The following LRRC2 variants were observed in gnomAD, a reference collection of about 807,000 sequenced individuals.
LRRC2 encodes the protein leucine rich repeat containing 2.
Under a neutral mutation model 40.2 loss-of-function variants are expected in LRRC2, and 27 were observed. The observed-to-expected ratio is 0.67, with a 90% CI of 0.49 to 0.93. The LOEUF is 0.93. Among genes scored for constraint, LRRC2 ranks in the 40% least tolerant of loss-of-function variants. The pLI is 0.00. For synonymous variants in LRRC2, 147 were observed against 158.9 expected (o/e 0.92, Z 0.56); for missense variants, 402 against 439.6 (o/e 0.91, Z 0.76).
intron 2 of LRRC2, among the ~76,000 whole-genome samples, chr3:46,546,644 C>T (rs1704531328): frequency 6.6e-6 from 1 of 151,648 alleles, no homozygotes; most frequent in Admixed American, 6.6e-5. Flanking sequence ...TAATTCTTAT[C>T]CATAAACACA....
intron 1 of LRRC2, among the ~76,000 whole-genome samples, chr3:46,554,557 G>A (rs1559420020): frequency 2.6e-5 from 4 of 151,346 alleles, no homozygotes; most frequent in African/African-American, 4.9e-5. Flanking sequence ...AGGCAGAATT[G>A]CTTGAACCTG....
rs963233534 is a variant in LRRC2, at chr3:46,515,578, A to C, written c.*3436T>G. The C allele has an allele frequency of 1.3e-5, 2 of 152,212 alleles. No individual in the cohort carries two copies. Among genetic ancestry groups the C allele is most frequent in the Non-Finnish European group, 2.9e-5 (2 of 68,024 alleles). 9.4% of individuals were successfully genotyped at this position (152,212 alleles called of 1,614,324 possible). The stretch of plus-strand genomic sequence containing the variant: ...CTGCACATTTATATGAATAAATTAA[A>C]TAGTATCTCTACAAACATATTCAAG... On this transcript the variant is annotated 3_prime_UTR_variant, in exon 9 of 9. Transcript: ENST00000395905.
At chr3:46,560,740 A>G (rs73071930) in intron 1 of LRRC2, among the ~76,000 whole-genome samples, 7,406 of 152,236 alleles carry the variant, frequency 0.049, 274 homozygotes, top group South Asian at 0.15. Flanking sequence ...AGCCTCCCTC[A>G]ATTTGGGCTA....
intron 2 of LRRC2, among the ~76,000 whole-genome samples, chr3:46,546,715 CTTTT>C (rs71098416): frequency 6.6e-5 from 7 of 106,600 alleles, no homozygotes; most frequent in Non-Finnish European, 1.1e-4. Context: ...CAATTTGCTC[CTTTT>C]TTTTTTTTTT....
chr3:46,521,431 T>G (rs1703962076), intron 8 of LRRC2, 91 bp downstream of exon 8: 1 of 1,058,888 alleles, frequency 9.4e-7, no homozygotes, highest in African/African-American at 1.6e-5. Context: ...ACCAATAAAC[T>G]TTTTGTCAAT....
intron 3 of LRRC2, among the ~76,000 whole-genome samples, chr3:46,541,856 G>A (rs1307057085): frequency 6.6e-6 from 1 of 152,114 alleles, no homozygotes; most frequent in African/African-American, 2.4e-5. Context: ...CCCTGAACTG[G>A]GGTACCTCAA....
At chr3:46,546,855 A>T (rs1001979646) in intron 2 of LRRC2, among the ~76,000 whole-genome samples, 8 of 151,572 alleles carry the variant, frequency 5.3e-5, no homozygotes, top group African/African-American at 1.7e-4. Flanking sequence ...AGTAGCTGGG[A>T]TTACAGATGC....
chr3:46,520,619 T>C (rs1703947774), intron 8 of LRRC2, among the ~76,000 whole-genome samples: 1 of 152,246 alleles, frequency 6.6e-6, no homozygotes. Flanking sequence ...TTCAGACATC[T>C]ACTGATGAGG....
chr3:46,517,422 T>G lies in LRRC2; in HGVS notation c.*1592A>C, dbSNP rs1214844368. The G allele has an allele frequency of 6.6e-6, 1 of 152,090 alleles. No homozygotes were observed. Among genetic ancestry groups the G allele is most frequent in the African/African-American group, 2.4e-5 (1 of 41,380 alleles). 9.4% of individuals were successfully genotyped at this position (152,090 alleles called of 1,614,324 possible). On this transcript the variant is annotated 3_prime_UTR_variant, in exon 9 of 9. Coordinates refer to ENST00000395905, the MANE Select transcript of LRRC2 (RefSeq NM_024512.5). Reference sequence around the variant, plus strand: ...ACACTGCAGCCTCGACCTCCTGGGCTCAAGTGATTTTCCCACCTCAGCCTC... The same window carrying G: ...ACACTGCAGCCTCGACCTCCTGGGCGCAAGTGATTTTCCCACCTCAGCCTC...
chr3:46,535,398 GA>G (rs745346253), intron 4 of LRRC2, among the ~76,000 whole-genome samples: 14 of 152,184 alleles, frequency 9.2e-5, no homozygotes, highest in African/African-American at 2.9e-4. Flanking sequence ...GATATAGACT[GA>G]AAATTATAAG....
intron 1 of LRRC2, among the ~76,000 whole-genome samples, chr3:46,565,872 C>G (rs1277714107): frequency 6.6e-6 from 1 of 152,210 alleles, no homozygotes; most frequent in East Asian, 1.9e-4. Flanking sequence ...GAGCAGTACG[C>G]GCAGGGGAAC....
intron 5 of LRRC2, 124 bp from the exon 6 acceptor site, chr3:46,530,174 A>T (rs1704133805): frequency 1.3e-6 from 1 of 748,294 alleles, no homozygotes; most frequent in East Asian, 2.7e-5. Flanking sequence ...AAAGCAGATC[A>T]ATACAGTATG....
Position 46,566,169 on chromosome 3 carries a change from G to A in LRRC2, c.-20+8C>T, listed in dbSNP as rs1705058541. On this transcript the variant is annotated splice_region_variant and intron_variant, in intron 1 of 8. Transcript: ENST00000395905. The stretch of plus-strand genomic sequence containing the variant: ...GCCCCCCGGCCACCTCGGACGCCCA[G>A]CGCTTACCTGCCCCGAGGGGCGGGC... 6.6e-6 allele frequency: 1 copy of A among 151,790 alleles called. No individual in the cohort carries two copies. Among genetic ancestry groups the A allele is most frequent in the Admixed American group, 6.6e-5 (1 of 15,220 alleles). 9.4% of individuals were successfully genotyped at this position (151,790 alleles called of 1,614,324 possible).
At chr3:46,565,655 TTCC>T (rs1705041173) in intron 1 of LRRC2, among the ~76,000 whole-genome samples, 1 of 152,014 alleles carries the variant, frequency 6.6e-6, no homozygotes, top group Admixed American at 6.5e-5. Context: ...AGCCAGACAA[TTCC>T]TCCTCCTCTG....
rs749056944 is a variant in LRRC2, at chr3:46,545,055, C to G, written c.324G>C (p.Glu108Asp). 1 of 1,612,460 alleles carries G rather than the reference C, an allele frequency of 6.2e-7. No individual in the cohort carries two copies. The highest frequency in any genetic ancestry group is 8.5e-7 in the Non-Finnish European group (1 of 1,179,868). The part of the protein sequence containing the change: ...SSAFVFELSG[E>D]HWTELPDSLK... ...AACTGCCTCGACTCACCGTCCAGTG[C>G]TCCCCAGAAAGTTCAAACACAAACG... The change falls in exon 3 of 9, where the codon GAG (glutamate) becomes GAC (aspartate). Residue 108 changes from glutamate (E) to aspartate (D), a missense_variant. Glu to Asp is a conservative substitution (Grantham distance 45, BLOSUM62 2). Coordinates refer to ENST00000395905, the MANE Select transcript of LRRC2 (RefSeq NM_024512.5).
chr3:46,558,670 C>G (rs1382482936), intron 1 of LRRC2: 1 of 152,254 alleles, frequency 6.6e-6, no homozygotes, highest in Non-Finnish European at 1.5e-5. Context: ...TCGCTGGGCT[C>G]CCTTTTTCGG....
At chr3:46,534,420 C>CT (rs765167322) in intron 4 of LRRC2, among the ~76,000 whole-genome samples, 21,283 of 117,030 alleles carry the variant, frequency 0.18, 1,641 homozygotes, top group African/African-American at 0.23. Context: ...CTTTTCCTTC[C>CT]TTCCTTTCTT....
intron 8 of LRRC2, among the ~76,000 whole-genome samples, chr3:46,520,867 C>G (rs1166949111): frequency 1.3e-5 from 2 of 152,160 alleles, no homozygotes; most frequent in African/African-American, 4.8e-5. Flanking sequence ...TGATGTATGC[C>G]TTTTTCCTGG....
chr3:46,562,832 A>G (rs1242093935), intron 1 of LRRC2, among the ~76,000 whole-genome samples: 1 of 151,620 alleles, frequency 6.6e-6, no homozygotes. Context: ...GGGTTCAAGC[A>G]ATTCTTCCTC....
Sources: gnomAD v4.1 joint callset for allele counts (sites outside exome capture counted in the v4.1 genomes callset) on GRCh38, gnomAD v4.1.1 for gene constraint, MANE v1.5 for transcripts, NCBI Gene and HGNC (gene_info 2026-07-23, HGNC 2026-07-21) for gene names.